Variants in THEMIS2 observed in about 807,000 individuals in gnomAD.
THEMIS2 encodes the protein thymocyte selection associated family member 2.
In THEMIS2, 29 loss-of-function variants were observed where a neutral mutation model predicts 46.8. The ratio of observed to expected loss-of-function variants is 0.62; its 90% CI spans 0.46 to 0.84. THEMIS2 has a LOEUF of 0.84. THEMIS2 is among the 40% of genes least tolerant of loss of function. The pLI is 0.00. For missense variants in THEMIS2, 698 were observed against 834.7 expected (o/e 0.84, Z 2.02); for synonymous variants, 335 against 349.1 (o/e 0.96, Z 0.45).
intron 1 of THEMIS2, among the ~76,000 whole-genome samples, chr1:27,873,449 C>A (rs1024895085): frequency 2.0e-5 from 3 of 152,092 alleles, no homozygotes; most frequent in African/African-American, 7.2e-5. Context: ...GAGAGAGATG[C>A]TGTGTGGGGG....
intron 2 of THEMIS2, among the ~76,000 whole-genome samples, chr1:27,878,648 G>A (rs1364538242): frequency 6.6e-6 from 1 of 151,652 alleles, no homozygotes; most frequent in East Asian, 1.9e-4. Context: ...TTGCAGACAT[G>A]TTCCCTTTTA....
In THEMIS2 at chr1:27,875,209, T is replaced by TTA. The variant is rs548436773; in HGVS notation, c.95-1379_95-1378insTA. The stretch of plus-strand genomic sequence containing the variant: ...GGCCAGGCTGATCTCGAACTCCTGA[T>TTA]CTCAGGTGATCCCCCTGTCTTGGCC... On this transcript the variant is annotated intron_variant, in intron 1 of 5. Transcript: ENST00000373921. Among the ~76,000 whole-genome samples the TTA allele has an allele frequency of 2.6e-4, 39 of 151,840 alleles. No individual in the cohort carries two copies. The East Asian group carries it at 7.4e-3, about 29-fold the overall frequency.
chr1:27,881,523 T>C (rs1367377859), intron 3 of THEMIS2, among the ~76,000 whole-genome samples: 1 of 149,862 alleles, frequency 6.7e-6, no homozygotes, highest in Non-Finnish European at 1.5e-5. Context: ...AGATTCTGAT[T>C]GGAAAGAAAA....
chr1:27,875,198 C>T (rs377471465), intron 1 of THEMIS2, among the ~76,000 whole-genome samples: 60 of 151,966 alleles, frequency 3.9e-4, no homozygotes, highest in Non-Finnish European at 8.1e-4. Flanking sequence ...AGGCTGATCT[C>T]GAACTCCTGA....
At chr1:27,883,353 C>T (rs988218317) in intron 4 of THEMIS2, 6 of 339,244 alleles carry the variant, frequency 1.8e-5, no homozygotes, top group Non-Finnish European at 3.3e-5. Context: ...TTCCTCTCTC[C>T]ACTACTGCTG....
At chr1:27,885,773 A>T in intron 5 of THEMIS2, 94 bp from the exon 6 acceptor site, 3 of 1,263,554 alleles carry the variant, frequency 2.4e-6, no homozygotes, top group South Asian at 2.5e-5. Flanking sequence ...CATCCAGGCC[A>T]CCTCTTTCCC....
chr1:27,875,862 G>A lies in THEMIS2; in HGVS notation c.95-726G>A, dbSNP rs534437785. On this transcript the variant is annotated intron_variant, in intron 1 of 5. Coordinates refer to ENST00000373921, the MANE Select transcript of THEMIS2 (RefSeq NM_001105556.3). The stretch of plus-strand genomic sequence containing the variant: ...ACTACAGGTGCCCGCCACCATGCCT[G>A]GCTAATTTTTTTTGTATTTTTAGTA... Among the ~76,000 whole-genome samples the A allele has an allele frequency of 1.4e-3, 207 of 152,028 alleles. 2 individuals are homozygous for A. The highest frequency in any genetic ancestry group is 4.9e-3 in the African/African-American group (202 of 41,474).
At chr1:27,877,836 A>T (rs1224520430) in intron 2 of THEMIS2, among the ~76,000 whole-genome samples, 1 of 152,096 alleles carries the variant, frequency 6.6e-6, no homozygotes, top group East Asian at 1.9e-4. Context: ...ATATGTATAC[A>T]GCACTTAGAA....
intron 2 of THEMIS2, among the ~76,000 whole-genome samples, chr1:27,877,541 A>G (rs1043034366): frequency 6.6e-5 from 10 of 151,968 alleles, no homozygotes; most frequent in African/African-American, 1.9e-4. Flanking sequence ...GTTAACCAGG[A>G]TGATCTCGAT....
At chr1:27,881,285 C>T (rs191956948) in intron 3 of THEMIS2, among the ~76,000 whole-genome samples, 6 of 150,992 alleles carry the variant, frequency 4.0e-5, no homozygotes, top group East Asian at 4.0e-4. Context: ...CCCGTCTCTA[C>T]TAAAAATACA....
Position 27,876,610 on chromosome 1 carries a change from G to A in THEMIS2, c.117G>A (p.Gly39=), listed in dbSNP as rs1342214586. The change falls in exon 2 of 6, where the codon GGG becomes GGA. Residue 39 remains glycine (G), a synonymous_variant. Transcript: ENST00000373921. ...YFEGSIYEIS[G]NECCLSTGDL... ...CAGGCTCCATCTATGAGATCTCTGG[G>A]AATGAGTGCTGCCTCTCCACGGGGG... The A allele has an allele frequency of 1.2e-6, 2 of 1,613,782 alleles. No homozygotes were observed. The highest frequency in any genetic ancestry group is 1.7e-6 in the Non-Finnish European group (2 of 1,179,940).
chr1:27,882,947 G>A lies in THEMIS2; in HGVS notation c.1623G>A (p.Lys541=), dbSNP rs746291167. Residue 541 remains lysine (K), a synonymous_variant, in exon 4 of 6, where the codon AAG becomes AAA. Coordinates refer to ENST00000373921, the MANE Select transcript of THEMIS2 (RefSeq NM_001105556.3). The surrounding 1 kb of genome is among the most constrained non-coding windows in gnomAD (Gnocchi z 7.6). Reference sequence around the variant, plus strand: ...ACACCTTCTATTATCGTCTTCGGAAGTTACCAGCCTGTGAGATCCAAGCCC... The same window carrying A: ...ACACCTTCTATTATCGTCTTCGGAAATTACCAGCCTGTGAGATCCAAGCCC... The part of the protein sequence containing the change: ...LTDTFYYRLR[K]LPACEIQAPP... 2 of 1,613,726 alleles carry A rather than the reference G, an allele frequency of 1.2e-6. No homozygotes were observed. The highest frequency in any genetic ancestry group is 3.3e-5 in the Admixed American group (2 of 59,960).
Position 27,885,393 on chromosome 1 carries a change from C to G in THEMIS2, c.1818C>G (p.Ser606Arg), listed in dbSNP as rs1317589002. 1 of 1,614,174 alleles carries G rather than the reference C, an allele frequency of 6.2e-7. No individual in the cohort carries two copies. The highest frequency in any genetic ancestry group is 1.1e-5 in the South Asian group (1 of 91,086). ...EFIKDGSSTY[S>R]KIPAHRKGHR... ...TCAAGGATGGCTCCAGTACGTACAG[C>G]AAGATTCCTGCCCACAGGAAGGGCC... Residue 606 changes from serine to arginine, a missense_variant, in exon 5 of 6, where the codon AGC becomes AGG. Physicochemically the swap from Ser to Arg is moderately radical, Grantham distance 110. Coordinates refer to ENST00000373921, the MANE Select transcript of THEMIS2 (RefSeq NM_001105556.3).
chr1:27,882,246 C>G lies in THEMIS2; in HGVS notation c.922C>G (p.Arg308Gly). 1 of 1,608,384 alleles carries G rather than the reference C, an allele frequency of 6.2e-7. No individual in the cohort carries two copies. The highest frequency in any genetic ancestry group is 1.7e-4 in the Middle Eastern group (1 of 6,020). The change falls in exon 4 of 6, where the codon CGC becomes GGC. Residue 308 changes from arginine to glycine, a missense_variant. By Grantham distance (125) the Arg-to-Gly change is moderately radical (BLOSUM62 -2). Coordinates refer to ENST00000373921, the MANE Select transcript of THEMIS2 (RefSeq NM_001105556.3). This position sits in a 1 kb window ranked among gnomAD's most constrained non-coding sequence, Gnocchi z 7.6. The part of the protein sequence containing the change: ...PWRVLASSKG[R>G]KVPRHFLVSG... The stretch of plus-strand genomic sequence containing the variant: ...GCGGGTCCTGGCCTCAAGCAAGGGC[C>G]GCAAGGTGCCCAGGCACTTCCTGGT...
intron 1 of THEMIS2, among the ~76,000 whole-genome samples, chr1:27,873,610 G>A (rs186926657): frequency 1.2e-3 from 176 of 152,318 alleles, no homozygotes; most frequent in African/African-American, 4.1e-3. Context: ...CCCTCATGAA[G>A]GGTCCCGCAG....
chr1:27,881,855 A>AT, intron 3 of THEMIS2, 116 bp from the exon 4 acceptor site: 1 of 748,096 alleles, frequency 1.3e-6, no homozygotes, highest in Non-Finnish European at 2.1e-6. Flanking sequence ...AAAAAAAAAA[A>AT]GAAAGAAAAG....
intron 5 of THEMIS2, 114 bp downstream of exon 5, chr1:27,885,565 T>A: frequency 7.5e-7 from 1 of 1,337,526 alleles, no homozygotes; most frequent in Non-Finnish European, 1.0e-6. Context: ...TGGTCCCAGT[T>A]TGATGGACAG....
At position 27,882,546 on chromosome 1, in the gene THEMIS2, G is replaced by A; in HGVS notation, c.1222G>A (p.Glu408Lys). The A allele has an allele frequency of 6.8e-6, 11 of 1,614,168 alleles. No individual in the cohort carries two copies. The highest frequency in any genetic ancestry group is 1.1e-5 in the South Asian group (1 of 91,084). The change falls in exon 4 of 6, where the codon GAA becomes AAA. Residue 408 changes from glutamate (E) to lysine (K), a missense_variant. Glu to Lys is a moderately conservative substitution (Grantham distance 56). Transcript: ENST00000373921. The surrounding 1 kb of genome is among the most constrained non-coding windows in gnomAD (Gnocchi z 7.6). ...TGACCAGGCTGGGGAGGATGAGGAG[G>A]AAGAGTGCAAAGAGGAGGCAGAGAG... ...LSDQAGEDEE[E>K]ECKEEAESPE...
intron 1 of THEMIS2, among the ~76,000 whole-genome samples, chr1:27,874,918 C>T (rs2089550620): frequency 6.6e-6 from 1 of 151,994 alleles, no homozygotes; most frequent in African/African-American, 2.4e-5. Flanking sequence ...AGTTCTGCCT[C>T]CTATTACCTG....
Sources: gnomAD v4.1 joint callset for allele counts (sites outside exome capture counted in the v4.1 genomes callset) on GRCh38, gnomAD v4.1.1 for gene constraint, Gnocchi (gnomAD v3.1) non-coding constraint, MANE v1.5 for transcripts, NCBI Gene and HGNC (gene_info 2026-07-23, HGNC 2026-07-21) for gene names.